Variants in SNCAIP observed in about 807,000 individuals in gnomAD.
SNCAIP encodes synphilin-1.
In SNCAIP, 43 loss-of-function variants were observed where a neutral mutation model predicts 86.7. The observed-to-expected ratio is 0.50, with a 90% CI of 0.39 to 0.64. SNCAIP has a LOEUF of 0.64. SNCAIP is among the 30% of genes least tolerant of loss of function. The pLI is 0.00. For missense variants in SNCAIP, 981 were observed against 1,103.1 expected, an observed-to-expected ratio of 0.89 and a Z score of 1.57; for synonymous variants, 417 against 427.2, an observed-to-expected ratio of 0.98 and a Z score of 0.29.
At chr5:122,396,022 C>T (rs533414554) in intron 2 of SNCAIP, among the ~76,000 whole-genome samples, 132 of 151,948 alleles carry the variant, frequency 8.7e-4, no homozygotes, top group African/African-American at 3.1e-3. Context: ...CTGTTCTTAT[C>T]TATATGGAAA....
intron 1 of SNCAIP, among the ~76,000 whole-genome samples, chr5:122,315,421 T>C (rs1464155746): frequency 6.6e-6 from 1 of 152,194 alleles, no homozygotes; most frequent in Non-Finnish European, 1.5e-5. Context: ...AAACCTCACC[T>C]TGAATCACAT....
chr5:122,375,889 A>C (rs1286546839), intron 1 of SNCAIP, among the ~76,000 whole-genome samples: 1 of 152,136 alleles, frequency 6.6e-6, no homozygotes, highest in African/African-American at 2.4e-5. Context: ...ATCTGGATAG[A>C]TGTGGCATGT....
intron 1 of SNCAIP, among the ~76,000 whole-genome samples, chr5:122,315,442 C>G (rs1363886184): frequency 2.6e-5 from 4 of 152,204 alleles, no homozygotes; most frequent in Admixed American, 1.3e-4. Flanking sequence ...TAGCTACTCT[C>G]CCATTAGCCA....
chr5:122,439,849 G>T (rs902567412), intron 6 of SNCAIP, among the ~76,000 whole-genome samples: 1 of 151,938 alleles, frequency 6.6e-6, no homozygotes, highest in African/African-American at 2.4e-5. Flanking sequence ...TTTCTCCAAA[G>T]GCCAAGCATA....
At chr5:122,321,986 A>T (rs1395905364) in intron 1 of SNCAIP, among the ~76,000 whole-genome samples, 1 of 152,176 alleles carries the variant, frequency 6.6e-6, no homozygotes, top group East Asian at 1.9e-4. Context: ...AACAGGACAG[A>T]CCAAACACAA....
At chr5:122,367,278 C>T (rs868526546) in intron 1 of SNCAIP, among the ~76,000 whole-genome samples, 5 of 152,080 alleles carry the variant, frequency 3.3e-5, no homozygotes, top group Middle Eastern at 3.4e-3. Context: ...TCAGACAGGT[C>T]CAGGTGTGAT....
intron 6 of SNCAIP, 48 bp from the exon 7 acceptor site, chr5:122,440,581 C>T: frequency 6.3e-7 from 1 of 1,585,482 alleles, no homozygotes; most frequent in Middle Eastern, 1.7e-4. Context: ...TTTTATCTAA[C>T]TTCTCTGCAA....
rs554864731 is a variant in SNCAIP at position 122,393,274 on chromosome 5, A to G, written c.57+2083A>G. On this transcript the variant is annotated intron_variant, in intron 2 of 10. Transcript: ENST00000261368. ...ATGAAATTTCATAGTAATTGATGAA[A>G]TAATAATAATAGCTAACGTTTATTG... Among the ~76,000 whole-genome samples, 34 of 152,296 alleles carry G rather than the reference A, an allele frequency of 2.2e-4. No individual in the cohort carries two copies. In the South Asian group the frequency reaches 5.8e-3, roughly 26 times the overall value.
At chr5:122,423,780 A>G in intron 4 of SNCAIP, 41 bp downstream of exon 4, 6 of 1,545,878 alleles carry the variant, frequency 3.9e-6, no homozygotes, top group Non-Finnish European at 5.3e-6. Flanking sequence ...AATAGACTGG[A>G]GACTCCTTTT....
intron 1 of SNCAIP, among the ~76,000 whole-genome samples, chr5:122,376,890 G>C (rs767758985): frequency 6.6e-6 from 1 of 152,100 alleles, no homozygotes; most frequent in Non-Finnish European, 1.5e-5. Flanking sequence ...CTCAGACTAC[G>C]CAAAATCTTT....
chr5:122,429,404 T>C (rs1052523798), intron 5 of SNCAIP, among the ~76,000 whole-genome samples: 4 of 150,044 alleles, frequency 2.7e-5, no homozygotes. Flanking sequence ...CAGCATTTAG[T>C]TCTATGAAAA....
Position 122,319,230 on chromosome 5 carries a change from T to TA in SNCAIP, c.-47+6957dup, listed in dbSNP as rs199924468. On this transcript the variant is annotated intron_variant, in intron 1 of 10. Transcript: ENST00000261368. ...CTGCCTTCTTTGGTCATCAATCCTA[T>TA]AAAAAAAAAAACTATGGAAAAAGGT... Among the ~76,000 whole-genome samples the TA allele has an allele frequency of 9.8e-3, 1,412 of 143,818 alleles. 36 individuals carry two copies. Among genetic ancestry groups the TA allele is most frequent in the Admixed American group, 0.035 (509 of 14,384 alleles). 94.4% of individuals were successfully genotyped at this position (143,818 alleles called of 152,430 possible).
At chr5:122,444,237 T>C in intron 7 of SNCAIP, 3 of 489,026 alleles carry the variant, frequency 6.1e-6, no homozygotes, top group Non-Finnish European at 1.2e-5. Context: ...TCTCTGACTA[T>C]GAGTGATTCT....
chr5:122,425,244 C>A, intron 4 of SNCAIP, 108 bp from the exon 5 acceptor site: 1 of 854,606 alleles, frequency 1.2e-6, no homozygotes, highest in Non-Finnish European at 2.0e-6. Flanking sequence ...AGGCTGCCAC[C>A]AGAGCTTCTA....
At chr5:122,400,879 TG>T in intron 2 of SNCAIP, 1 of 1,153,406 alleles carries the variant, frequency 8.7e-7, no homozygotes, top group Non-Finnish European at 1.2e-6. Flanking sequence ...CTATGTTCAC[TG>T]GGAATAACCT....
chr5:122,427,018 T>A (rs1777506178), intron 5 of SNCAIP, among the ~76,000 whole-genome samples: 1 of 152,172 alleles, frequency 6.6e-6, no homozygotes, highest in Non-Finnish European at 1.5e-5. Context: ...GTGACAGAGT[T>A]CTGTAGACAT....
At chr5:122,440,893 A>G (rs747905906) in intron 7 of SNCAIP, 139 bp downstream of exon 7, 140 of 814,010 alleles carry the variant, frequency 1.7e-4, no homozygotes, top group Non-Finnish European at 2.5e-4. Context: ...TTATTGCTCT[A>G]TTTGTGTTTC....
intron 3 of SNCAIP, among the ~76,000 whole-genome samples, chr5:122,409,511 T>C (rs1773690961): frequency 6.6e-6 from 1 of 152,236 alleles, no homozygotes; most frequent in African/African-American, 2.4e-5. Context: ...GACCCTGTAA[T>C]GTGTCTGAGA....
intron 1 of SNCAIP, among the ~76,000 whole-genome samples, chr5:122,376,069 G>A (rs759333471): frequency 6.6e-6 from 1 of 152,128 alleles, no homozygotes; most frequent in Non-Finnish European, 1.5e-5. Flanking sequence ...TTGACCTATT[G>A]AATCAGCAAG....
Sources: gnomAD v4.1 joint callset for allele counts (sites outside exome capture counted in the v4.1 genomes callset) on GRCh38, gnomAD v4.1.1 for gene constraint, MANE v1.5 for transcripts, NCBI Gene and HGNC (gene_info 2026-07-23, HGNC 2026-07-21) for gene names.